Variants in GNA14 observed in about 807,000 individuals in gnomAD.
The protein encoded by GNA14 is G protein subunit alpha 14.
In GNA14, 50 loss-of-function variants were observed where a neutral mutation model predicts 42.0. The observed-to-expected ratio is 1.19, with a 90% CI of 0.95 to 1.51. The LOEUF (loss-of-function observed/expected upper bound fraction) is 1.51, where lower values mean the gene tolerates loss of function less well. Among genes scored for constraint, GNA14 ranks in the 40% most tolerant of loss-of-function variants. The pLI, the probability that GNA14 is intolerant of heterozygous loss-of-function variation, is 0.00. For synonymous variants in GNA14, 173 were observed against 163.1 expected (o/e 1.06, Z -0.46); for missense variants, 473 against 446.2 (o/e 1.06, Z -0.54).
At chr9:77,636,879 G>A (rs938128356) in intron 1 of GNA14, among the ~76,000 whole-genome samples, 18 of 152,198 alleles carry the variant, frequency 1.2e-4, no homozygotes, top group African/African-American at 4.1e-4. Flanking sequence ...TCCATGGAGA[G>A]TGAATTTTCA....
intron 2 of GNA14, among the ~76,000 whole-genome samples, chr9:77,519,493 C>T (rs1440449423): frequency 2.0e-5 from 3 of 152,180 alleles, no homozygotes; most frequent in Non-Finnish European, 2.9e-5. Context: ...TAATGTATTC[C>T]GTTTAAAACA....
chr9:77,634,877 G>C (rs947463043), intron 1 of GNA14, among the ~76,000 whole-genome samples: 1 of 152,184 alleles, frequency 6.6e-6, no homozygotes, highest in Non-Finnish European at 1.5e-5. Flanking sequence ...AGTGAGCAGA[G>C]ATCTCATGGA....
chr9:77,558,878 A>G (rs1295135795), intron 1 of GNA14, among the ~76,000 whole-genome samples: 1 of 152,008 alleles, frequency 6.6e-6, no homozygotes, highest in Non-Finnish European at 1.5e-5. Flanking sequence ...TCAGAGTTGT[A>G]TCTCTTCTAG....
chr9:77,583,177 C>G (rs751830444), intron 1 of GNA14, among the ~76,000 whole-genome samples: 11 of 152,146 alleles, frequency 7.2e-5, no homozygotes, highest in Middle Eastern at 3.2e-3. Flanking sequence ...AATGAGATAA[C>G]GCAGTCTTTG....
At chr9:77,587,131 AAAAG>A (rs1823319193) in intron 1 of GNA14, among the ~76,000 whole-genome samples, 1 of 151,650 alleles carries the variant, frequency 6.6e-6, no homozygotes, top group Non-Finnish European at 1.5e-5. Context: ...AAAAAAAAAG[AAAAG>A]AAAAGAACAA....
intron 2 of GNA14, among the ~76,000 whole-genome samples, chr9:77,459,759 G>A (rs1446910336): frequency 1.3e-5 from 2 of 152,168 alleles, no homozygotes; most frequent in African/African-American, 4.8e-5. Flanking sequence ...CTAATAATGT[G>A]TCCTTATTTG....
At chr9:77,476,044 T>C (rs1049541097) in intron 2 of GNA14, among the ~76,000 whole-genome samples, 1 of 151,954 alleles carries the variant, frequency 6.6e-6, no homozygotes, top group Non-Finnish European at 1.5e-5. Context: ...GACTAAGAAA[T>C]GCAAAAAGAG....
At chr9:77,471,887 G>A (rs1161137908) in intron 2 of GNA14, among the ~76,000 whole-genome samples, 2 of 152,158 alleles carry the variant, frequency 1.3e-5, no homozygotes, top group African/African-American at 4.8e-5. Context: ...ATTATTATGA[G>A]CAGGTATAAA....
At chr9:77,514,164 A>ATATT (rs1837213168) in intron 2 of GNA14, among the ~76,000 whole-genome samples, 1 of 152,214 alleles carries the variant, frequency 6.6e-6, no homozygotes, top group Non-Finnish European at 1.5e-5. Flanking sequence ...CTCAGAAGCA[A>ATATT]TATTTCCAAT....
intron 1 of GNA14, among the ~76,000 whole-genome samples, chr9:77,600,687 G>A (rs920587368): frequency 1.3e-5 from 2 of 152,232 alleles, no homozygotes; most frequent in African/African-American, 2.4e-5. Context: ...GGAGGCCGAT[G>A]TGGTTGGATC....
chr9:77,529,773 A>G (rs1485716568), intron 1 of GNA14, among the ~76,000 whole-genome samples: 1 of 152,188 alleles, frequency 6.6e-6, no homozygotes, highest in African/African-American at 2.4e-5. Flanking sequence ...GGAGGTCCTC[A>G]AAACTCACAA....
intron 1 of GNA14, among the ~76,000 whole-genome samples, chr9:77,603,658 T>A (rs1293792813): frequency 6.6e-6 from 1 of 151,892 alleles, no homozygotes; most frequent in African/African-American, 2.4e-5. Context: ...GCCAGCAATG[T>A]GTCACGGGAG....
chr9:77,605,940 C>T (rs1264040467), intron 1 of GNA14, among the ~76,000 whole-genome samples: 1 of 152,154 alleles, frequency 6.6e-6, no homozygotes, highest in African/African-American at 2.4e-5. Flanking sequence ...AGAGACTATC[C>T]ATTGGCAGAG....
intron 6 of GNA14, among the ~76,000 whole-genome samples, chr9:77,425,050 A>G (rs1835433123): frequency 1.3e-5 from 2 of 152,186 alleles, no homozygotes; most frequent in South Asian, 4.1e-4. Context: ...GCCACACTCT[A>G]ACATACACAT....
At chr9:77,642,035 A>C (rs188138607) in intron 1 of GNA14, among the ~76,000 whole-genome samples, 138 of 152,338 alleles carry the variant, frequency 9.1e-4, no homozygotes, top group Middle Eastern at 3.4e-3. Flanking sequence ...AACAAACAAA[A>C]AAAAAGATTT....
At chr9:77,504,077 C>A (rs1368993806) in intron 2 of GNA14, among the ~76,000 whole-genome samples, 1 of 152,148 alleles carries the variant, frequency 6.6e-6, no homozygotes, top group African/African-American at 2.4e-5. Context: ...CACCTCTCTA[C>A]TTATACTGTC....
At chr9:77,609,193 C>CT (rs1276610841) in intron 1 of GNA14, among the ~76,000 whole-genome samples, 5 of 152,178 alleles carry the variant, frequency 3.3e-5, no homozygotes. Context: ...ATCAACTTCA[C>CT]TGCCTGCACT....
chr9:77,434,530 A>C lies in GNA14; in HGVS notation c.310-8T>G, dbSNP rs777818771. The C allele has an allele frequency of 3.7e-6, 6 of 1,610,606 alleles. No individual in the cohort carries two copies. In the African/African-American group the frequency reaches 8.0e-5, roughly 22 times the overall value. Reference sequence around the variant, plus strand: ...GATTATCTGGGCATTTTCCTACTCAAAGGAAAGAGAACCTTGCATCAGGCA... The same window carrying C: ...GATTATCTGGGCATTTTCCTACTCACAGGAAAGAGAACCTTGCATCAGGCA... On this transcript the variant is annotated splice_polypyrimidine_tract_variant and splice_region_variant and intron_variant, in intron 2 of 6. Coordinates refer to ENST00000341700, the MANE Select transcript of GNA14 (RefSeq NM_004297.4).
chr9:77,536,291 A>G (rs1837597153), intron 1 of GNA14, among the ~76,000 whole-genome samples: 1 of 152,224 alleles, frequency 6.6e-6, no homozygotes, highest in African/African-American at 2.4e-5. Flanking sequence ...AGATTAAAAA[A>G]CAACAGCAGA....
Sources: gnomAD v4.1 joint callset for allele counts (sites outside exome capture counted in the v4.1 genomes callset) on GRCh38, gnomAD v4.1.1 for gene constraint, MANE v1.5 for transcripts, NCBI Gene and HGNC (gene_info 2026-07-23, HGNC 2026-07-21) for gene names.